SEMA3C: variants seen among roughly 807,000 people sequenced by gnomAD.
SEMA3C encodes the protein semaphorin-3C.
In SEMA3C, 47 loss-of-function variants were observed where a neutral mutation model predicts 89.4. The ratio of observed to expected loss-of-function variants is 0.53; its 90% CI spans 0.42 to 0.67. SEMA3C has a LOEUF of 0.67. Among genes scored for constraint, SEMA3C ranks in the 30% least tolerant of loss-of-function variants. The probability of loss-of-function intolerance (pLI) is 0.00; values close to 1 mark genes in which losing one functional copy is unlikely to be tolerated. For synonymous variants in SEMA3C, 310 were observed against 320.2 expected, an observed-to-expected ratio of 0.97 and a Z score of 0.34; for missense variants, 839 against 929.1, an observed-to-expected ratio of 0.90 and a Z score of 1.26.
In SEMA3C at chr7:80,859,661, G is replaced by A. The variant is rs537546036; in HGVS notation, c.104-30916C>T. On this transcript the variant is annotated intron_variant, in intron 2 of 17. Transcript: ENST00000265361. ...ATTCTATATTAACAATAGTTTGGCG[G>A]CACACATTTTCAAACTTAGCACCCT... is the stretch of plus-strand genomic sequence containing the variant. Among the ~76,000 whole-genome samples, 16 of 152,294 alleles carry A rather than the reference G, an allele frequency of 1.1e-4. No individual in the cohort carries two copies. In the South Asian group the frequency reaches 3.1e-3, roughly 30 times the overall value.
chr7:80,900,863 C>A (rs1280930139), intron 2 of SEMA3C, among the ~76,000 whole-genome samples: 1 of 152,152 alleles, frequency 6.6e-6, no homozygotes, highest in Non-Finnish European at 1.5e-5. Flanking sequence ...CTGTGTACTG[C>A]TGAGATAACA....
chr7:80,877,669 C>T (rs552605972), intron 2 of SEMA3C, among the ~76,000 whole-genome samples: 3 of 152,242 alleles, frequency 2.0e-5, no homozygotes, highest in Admixed American at 1.3e-4. Flanking sequence ...TGGTTTTCCC[C>T]CTTTCTTGTC....
intron 12 of SEMA3C, among the ~76,000 whole-genome samples, chr7:80,782,789 C>A (rs962034718): frequency 4.6e-5 from 7 of 152,100 alleles, no homozygotes; most frequent in African/African-American, 1.7e-4. Context: ...ATATCCCTGC[C>A]CTCCATGGCA....
At chr7:80,853,312 C>T (rs1790560952) in intron 2 of SEMA3C, among the ~76,000 whole-genome samples, 1 of 152,124 alleles carries the variant, frequency 6.6e-6, no homozygotes, top group Non-Finnish European at 1.5e-5. Flanking sequence ...GAGTCATCTG[C>T]ACTCCCATGT....
chr7:80,779,567 A>G (rs767192927), intron 12 of SEMA3C, among the ~76,000 whole-genome samples: 1 of 152,134 alleles, frequency 6.6e-6, no homozygotes, highest in Non-Finnish European at 1.5e-5. Context: ...TTTCTTACCT[A>G]TAACAGAAAA....
intron 12 of SEMA3C, among the ~76,000 whole-genome samples, chr7:80,787,912 G>T (rs754603584): frequency 6.6e-6 from 1 of 152,164 alleles, no homozygotes; most frequent in Admixed American, 6.5e-5. Context: ...TGTCCAACCC[G>T]TGGGAAAGGA....
At position 80,819,870 on chromosome 7, in the gene SEMA3C, A is replaced by C. The variant is rs554596854; in HGVS notation, c.328-1452T>G. On this transcript the variant is annotated intron_variant, in intron 4 of 17. Transcript: ENST00000265361. ...TCCTTTGCTGACTATAATTCAATCA[A>C]GCCTGAGATTGAATGACTTCATGAA... Among the ~76,000 whole-genome samples the C allele has an allele frequency of 3.9e-5, 6 of 152,298 alleles. No individual in the cohort carries two copies. In the East Asian group the frequency reaches 1.2e-3, roughly 29 times the overall value.
chr7:80,781,818 A>T (rs1348078955), intron 12 of SEMA3C, among the ~76,000 whole-genome samples: 1 of 152,148 alleles, frequency 6.6e-6, no homozygotes, highest in African/African-American at 2.4e-5. Context: ...ACACTCAGGG[A>T]TGTGGTCTGA....
chr7:80,807,732 A>G (rs1789375593), intron 6 of SEMA3C, among the ~76,000 whole-genome samples: 1 of 152,186 alleles, frequency 6.6e-6, no homozygotes, highest in Non-Finnish European at 1.5e-5. Context: ...TACATCATGA[A>G]ATTTGGAATT....
In SEMA3C at chr7:80,744,257, T is replaced by C. The variant is rs1356632209; in HGVS notation, c.*637A>G. The stretch of plus-strand genomic sequence containing the variant: ...CTTCATGGGGTAGGTTACTGATTTT[T>C]ATCTTCCTGAATAAGGAAACAAAGG... On this transcript the variant is annotated 3_prime_UTR_variant, in exon 18 of 18. Transcript: ENST00000265361. 6.6e-6 allele frequency: 1 copy of C among 152,318 alleles called. No homozygotes were observed. The highest frequency in any genetic ancestry group is 1.5e-5 in the Non-Finnish European group (1 of 68,144). 9.4% of individuals were successfully genotyped at this position (152,318 alleles called of 1,614,324 possible).
chr7:80,785,523 T>C (rs1788780879), intron 12 of SEMA3C, among the ~76,000 whole-genome samples: 1 of 152,138 alleles, frequency 6.6e-6, no homozygotes, highest in Admixed American at 6.5e-5. Context: ...CCAAGACAGT[T>C]AGATATATAA....
intron 3 of SEMA3C, 101 bp from the exon 4 acceptor site, chr7:80,827,588 CT>C: frequency 1.3e-6 from 1 of 799,132 alleles, no homozygotes; most frequent in Non-Finnish European, 1.9e-6. Flanking sequence ...TTAAGGTGAT[CT>C]TACACTAAGA....
intron 6 of SEMA3C, among the ~76,000 whole-genome samples, chr7:80,806,129 C>T (rs1789336138): frequency 6.6e-6 from 1 of 151,938 alleles, no homozygotes; most frequent in African/African-American, 2.4e-5. Flanking sequence ...ACCTATAATA[C>T]ATTTAAAAGA....
At chr7:80,910,026 A>C (rs960884059) in intron 2 of SEMA3C, among the ~76,000 whole-genome samples, 1 of 152,162 alleles carries the variant, frequency 6.6e-6, no homozygotes, top group African/African-American at 2.4e-5. Flanking sequence ...GTTAATACTC[A>C]TATTAATAGC....
intron 2 of SEMA3C, among the ~76,000 whole-genome samples, chr7:80,841,031 A>G (rs920201154): frequency 6.6e-6 from 1 of 152,162 alleles, no homozygotes; most frequent in Non-Finnish European, 1.5e-5. Context: ...GTTGATCAAG[A>G]AGCGGAATGG....
In SEMA3C at chr7:80,873,283, T is replaced by C. The variant is rs79163563; in HGVS notation, c.103+43396A>G. The stretch of plus-strand genomic sequence containing the variant: ...GGTTGCAGAGCAGGCACAGCCAGAC[T>C]GTGCAGGGCAAACGTCATAAACTAG... On this transcript the variant is annotated intron_variant, in intron 2 of 17. Transcript: ENST00000265361. Among the ~76,000 whole-genome samples the C allele has an allele frequency of 9.0e-4, 137 of 152,342 alleles. 1 individual carries two copies. In the East Asian group the frequency reaches 0.025, roughly 28 times the overall value.
At chr7:80,748,110 A>C (rs995878858) in intron 17 of SEMA3C, among the ~76,000 whole-genome samples, 2 of 152,166 alleles carry the variant, frequency 1.3e-5, no homozygotes, top group Admixed American at 6.6e-5. Context: ...CCTTGGCTCC[A>C]TCAACTTTAT....
At chr7:80,755,678 T>C (rs953863476) in intron 15 of SEMA3C, among the ~76,000 whole-genome samples, 65 of 152,026 alleles carry the variant, frequency 4.3e-4, no homozygotes, top group African/African-American at 1.5e-3. Context: ...TTAGAACATC[T>C]TGCTAAGTAA....
chr7:80,886,415 G>A (rs1791479820), intron 2 of SEMA3C, among the ~76,000 whole-genome samples: 1 of 150,702 alleles, frequency 6.6e-6, no homozygotes, highest in African/African-American at 2.4e-5. Context: ...GTGCAGTGGT[G>A]TGATCTCAGC....
Sources: gnomAD v4.1 joint callset for allele counts (sites outside exome capture counted in the v4.1 genomes callset) on GRCh38, gnomAD v4.1.1 for gene constraint, MANE v1.5 for transcripts, NCBI Gene and HGNC (gene_info 2026-07-23, HGNC 2026-07-21) for gene names.